GTF2I: variants seen among roughly 807,000 people sequenced by gnomAD.
GTF2I encodes the protein general transcription factor II-I.
GTF2I carries 12 observed loss-of-function variants against 67.6 expected under a neutral mutation model. The ratio of observed to expected loss-of-function variants is 0.18; its 90% confidence interval spans 0.11 to 0.29. The LOEUF is 0.29. Ranked by LOEUF, GTF2I falls within the 10% of genes least tolerant of loss-of-function variation. The probability of loss-of-function intolerance (pLI) is 1.00; values close to 1 mark genes in which losing one functional copy is unlikely to be tolerated. For missense variants in GTF2I, 271 were observed against 580.1 expected, an observed-to-expected ratio of 0.47 and a Z score of 5.47; for synonymous variants, 149 against 197.0, an observed-to-expected ratio of 0.76 and a Z score of 2.04.
intron 10 of GTF2I, chr7:74,716,624 T>G (rs587655927): frequency 1.3e-5 from 4 of 315,640 alleles, no homozygotes; most frequent in African/African-American, 8.5e-5. Flanking sequence ...AATTTTATCA[T>G]GTAGTTATAG....
intron 2 of GTF2I, 124 bp downstream of exon 2, chr7:74,689,351 T>A: frequency 3.1e-6 from 1 of 319,242 alleles, no homozygotes; most frequent in Non-Finnish European, 5.6e-6. Flanking sequence ...TTCTTTACTT[T>A]TTTTTTTTTT....
chr7:74,664,497 G>A (rs1554387808), intron 1 of GTF2I, among the ~76,000 whole-genome samples: 2 of 152,096 alleles, frequency 1.3e-5, no homozygotes, highest in East Asian at 1.9e-4. Context: ...GCAATGGCGC[G>A]ATCTCGGCTC....
At chr7:74,685,816 G>A (rs1447454384) in intron 1 of GTF2I, among the ~76,000 whole-genome samples, 1 of 151,748 alleles carries the variant, frequency 6.6e-6, no homozygotes, top group Admixed American at 6.6e-5. Context: ...CCGGTAATCC[G>A]GCCGAGGCGG....
chr7:74,679,884 C>T (rs1367831891), intron 1 of GTF2I, among the ~76,000 whole-genome samples: 1 of 151,602 alleles, frequency 6.6e-6, no homozygotes, highest in Non-Finnish European at 1.5e-5. Flanking sequence ...AGTTCAAGAC[C>T]AGCCTGGCCA....
chr7:74,737,119 A>T (rs1794868527), intron 18 of GTF2I, among the ~76,000 whole-genome samples: 3 of 148,268 alleles, frequency 2.0e-5, no homozygotes, highest in African/African-American at 7.4e-5. Context: ...CTTGAACCCT[A>T]GAGGCGGAGG....
At chr7:74,712,703 G>A (rs1397510017) in intron 9 of GTF2I, among the ~76,000 whole-genome samples, 5 of 143,980 alleles carry the variant, frequency 3.5e-5, no homozygotes, top group Admixed American at 7.1e-5. Flanking sequence ...TTGCTCTGTC[G>A]CCCAAGCTGG....
chr7:74,660,853 C>G (rs1257722724), intron 1 of GTF2I, among the ~76,000 whole-genome samples: 1 of 151,688 alleles, frequency 6.6e-6, no homozygotes, highest in Non-Finnish European at 1.5e-5. Flanking sequence ...GGGGCAGGGA[C>G]AAGAAGCCTT....
chr7:74,698,621 A>G (rs1289895833), intron 3 of GTF2I, among the ~76,000 whole-genome samples: 3 of 151,680 alleles, frequency 2.0e-5, no homozygotes, highest in African/African-American at 7.3e-5. Flanking sequence ...TATGTTGCCA[A>G]AGCTGGTCTT....
In GTF2I at chr7:74,748,019, T is replaced by C; in HGVS notation, c.2073T>C (p.Pro691=). The C allele has an allele frequency of 8.4e-6, 1 of 118,544 alleles. No individual in the cohort carries two copies. Among genetic ancestry groups the C allele is most frequent in the South Asian group, 4.6e-5 (1 of 21,520 alleles). 7.3% of individuals were successfully genotyped at this position (118,544 alleles called of 1,614,324 possible). A position where few individuals can be genotyped will look rare whatever the true frequency, so the allele number is the denominator to read the frequency against. ...ATTATTTTTTCTGTCTTTTAGGCCCTAATAACAACAATCCTCAAACCTCAG... is the reference window on the plus strand; with the variant it reads ...ATTATTTTTTCTGTCTTTTAGGCCCCAATAACAACAATCCTCAAACCTCAG... The part of the protein sequence containing the change: ...VPEIEVTVEG[P]NNNNPQTSAV... Residue 691 remains proline (P), a synonymous_variant, in exon 24 of 35, where the codon CCT becomes CCC. Coordinates refer to ENST00000573035, the MANE Select transcript of GTF2I (RefSeq NM_032999.4).
At chr7:74,705,067 C>G in intron 6 of GTF2I, 97 bp from the exon 7 acceptor site, 1 of 769,856 alleles carries the variant, frequency 1.3e-6, no homozygotes, top group African/African-American at 1.7e-5. Context: ...AGCTGCAAAG[C>G]CTAGTTCTAC....
chr7:74,686,764 A>C (rs1410596625), intron 1 of GTF2I, among the ~76,000 whole-genome samples: 3 of 152,220 alleles, frequency 2.0e-5, no homozygotes, highest in Non-Finnish European at 4.4e-5. Flanking sequence ...AATAATTTCT[A>C]TAATTTACCT....
At chr7:74,733,116 G>C (rs1239024779) in intron 15 of GTF2I, among the ~76,000 whole-genome samples, 4 of 117,544 alleles carry the variant, frequency 3.4e-5, no homozygotes, top group Non-Finnish European at 6.9e-5. Flanking sequence ...ACAGGCGTGC[G>C]CCACCATGCC....
At chr7:74,737,609 GAACA>G (rs1794909942) in intron 18 of GTF2I, among the ~76,000 whole-genome samples, 1 of 119,982 alleles carries the variant, frequency 8.3e-6, no homozygotes, top group Admixed American at 8.7e-5. Context: ...GCGGGGTTAG[GAACA>G]GAAGGCCTCT....
intron 9 of GTF2I, among the ~76,000 whole-genome samples, chr7:74,714,399 A>T (rs1395771870): frequency 1.3e-5 from 2 of 152,138 alleles, no homozygotes; most frequent in Admixed American, 1.3e-4. Flanking sequence ...TAGAGATTCT[A>T]AGGAAGGTAT....
At chr7:74,659,231 T>G (rs1804249356) in intron 1 of GTF2I, among the ~76,000 whole-genome samples, 1 of 143,838 alleles carries the variant, frequency 7.0e-6, no homozygotes, top group East Asian at 2.0e-4. Flanking sequence ...CTTAATTTTC[T>G]TTTTTTTTTT....
In GTF2I at chr7:74,706,742, A is replaced by G. The variant is rs587769128; in HGVS notation, c.685+309A>G. Among the ~76,000 whole-genome samples, 5 of 152,346 alleles carry G rather than the reference A, an allele frequency of 3.3e-5. No individual in the cohort carries two copies. The South Asian group carries it at 1.0e-3, about 32-fold the overall frequency. On this transcript the variant is annotated intron_variant, in intron 8 of 34. Transcript: ENST00000573035. Reference sequence around the variant, plus strand: ...CTGTTCTATAGTGCTTTTTACAAAAATCAATAGAATGCCCCCTTCGTCTCC... The same window carrying G: ...CTGTTCTATAGTGCTTTTTACAAAAGTCAATAGAATGCCCCCTTCGTCTCC...
At chr7:74,659,468 C>G (rs1804277093) in intron 1 of GTF2I, among the ~76,000 whole-genome samples, 1 of 151,922 alleles carries the variant, frequency 6.6e-6, no homozygotes, top group Non-Finnish European at 1.5e-5. Flanking sequence ...CGGCTCACTG[C>G]AACCTCTGCC....
At chr7:74,700,167 T>G in intron 4 of GTF2I, 80 bp from the exon 5 acceptor site, 1 of 1,443,086 alleles carries the variant, frequency 6.9e-7, no homozygotes, top group Non-Finnish European at 9.6e-7. Flanking sequence ...ATGCCCTTAT[T>G]AAGCCACAAT....
intron 1 of GTF2I, among the ~76,000 whole-genome samples, chr7:74,662,368 G>A (rs897024270): frequency 1.5e-4 from 22 of 151,536 alleles, no homozygotes; most frequent in African/African-American, 5.1e-4. Context: ...GCGCCACCAT[G>A]CCTGGCTAAC....
Sources: gnomAD v4.1 joint callset for allele counts (sites outside exome capture counted in the v4.1 genomes callset) on GRCh38, gnomAD v4.1.1 for gene constraint, MANE v1.5 for transcripts, NCBI Gene and HGNC (gene_info 2026-07-23, HGNC 2026-07-21) for gene names.